CFAP299: variants seen among roughly 807,000 people sequenced by gnomAD.
The protein encoded by CFAP299 is cilia and flagella associated protein 299, also known as cilia- and flagella-associated protein 299.
CFAP299 carries 21 observed loss-of-function variants against 27.0 expected under a neutral mutation model. That is an observed-to-expected ratio of 0.78 (90% CI 0.55 to 1.12). CFAP299 has a LOEUF of 1.12. Among genes scored for constraint, CFAP299 ranks in the 50% most tolerant of loss-of-function variants. CFAP299 has a pLI of 0.00. For missense variants in CFAP299, 310 were observed against 276.6 expected (o/e 1.12, Z -0.86); for synonymous variants, 104 against 98.1 (o/e 1.06, Z -0.36).
chr4:80,430,900 A>T (rs1286497779), intron 2 of CFAP299, among the ~76,000 whole-genome samples: 1 of 152,150 alleles, frequency 6.6e-6, no homozygotes, highest in Non-Finnish European at 1.5e-5. Flanking sequence ...GGTCCTCCAG[A>T]TGTTGTCCAA....
intron 2 of CFAP299, among the ~76,000 whole-genome samples, chr4:80,421,783 C>T (rs1009516501): frequency 6.6e-6 from 1 of 152,194 alleles, no homozygotes; most frequent in Non-Finnish European, 1.5e-5. Flanking sequence ...AGATCTTTTA[C>T]ACAAAACCAA....
chr4:80,348,782 C>A (rs776434432), intron 1 of CFAP299, among the ~76,000 whole-genome samples: 1 of 152,118 alleles, frequency 6.6e-6, no homozygotes, highest in Non-Finnish European at 1.5e-5. Flanking sequence ...TATGAAATAC[C>A]GAGGAATCCC....
intron 4 of CFAP299, among the ~76,000 whole-genome samples, chr4:80,934,682 G>A (rs1249742339): frequency 6.6e-6 from 1 of 151,936 alleles, no homozygotes; most frequent in Non-Finnish European, 1.5e-5. Flanking sequence ...TTGTTGGTAA[G>A]TGTTCATAAT....
At chr4:80,892,098 C>T (rs760739102) in intron 4 of CFAP299, among the ~76,000 whole-genome samples, 7 of 152,062 alleles carry the variant, frequency 4.6e-5, no homozygotes, top group Non-Finnish European at 8.8e-5. Context: ...CATTATCTGA[C>T]TTCAAATTAT....
chr4:80,350,149 A>G (rs1290218240), intron 1 of CFAP299, among the ~76,000 whole-genome samples: 2 of 152,158 alleles, frequency 1.3e-5, no homozygotes, highest in Non-Finnish European at 2.9e-5. Flanking sequence ...ATACATTTAA[A>G]TGGAGTCCAA....
chr4:80,674,131 A>G (rs1719226635), intron 3 of CFAP299, among the ~76,000 whole-genome samples: 2 of 152,136 alleles, frequency 1.3e-5, no homozygotes, highest in South Asian at 4.2e-4. Context: ...GATCTTTACA[A>G]TTTGGCATGT....
chr4:80,553,087 A>G (rs1734607521), intron 2 of CFAP299, among the ~76,000 whole-genome samples: 1 of 152,050 alleles, frequency 6.6e-6, no homozygotes, highest in Non-Finnish European at 1.5e-5. Flanking sequence ...TTTGTGGTAC[A>G]GATTATTTTA....
chr4:80,374,336 A>C (rs968082826), intron 2 of CFAP299, among the ~76,000 whole-genome samples: 7 of 152,028 alleles, frequency 4.6e-5, no homozygotes, highest in African/African-American at 1.7e-4. Context: ...CCATGTCCCT[A>C]TCTGTGACTT....
chr4:80,897,792 C>T (rs1448949212), intron 4 of CFAP299, among the ~76,000 whole-genome samples: 2 of 152,152 alleles, frequency 1.3e-5, no homozygotes, highest in African/African-American at 4.8e-5. Flanking sequence ...TGTCTTTCCC[C>T]ACATAACTTA....
intron 2 of CFAP299, among the ~76,000 whole-genome samples, chr4:80,492,857 C>G (rs927424300): frequency 1.1e-4 from 17 of 152,074 alleles, no homozygotes. Flanking sequence ...TTTCAGCAGG[C>G]CCTGGGGTGA....
At chr4:80,493,755 T>A (rs1051911774) in intron 2 of CFAP299, among the ~76,000 whole-genome samples, 1 of 143,662 alleles carries the variant, frequency 7.0e-6, no homozygotes, top group African/African-American at 2.7e-5. Flanking sequence ...TTCTATCTCA[T>A]ATTCTTTTTT....
intron 2 of CFAP299, among the ~76,000 whole-genome samples, chr4:80,400,104 T>G (rs949162100): frequency 2.0e-5 from 3 of 152,244 alleles, no homozygotes; most frequent in Non-Finnish European, 4.4e-5. Flanking sequence ...ATTGTCTGTC[T>G]CTTTATGTCT....
chr4:80,896,773 C>T (rs1265197230), intron 4 of CFAP299, among the ~76,000 whole-genome samples: 15 of 152,102 alleles, frequency 9.9e-5, no homozygotes, highest in Admixed American at 7.9e-4. Flanking sequence ...TTTTATTTCA[C>T]CTAGTGCTTA....
At chr4:80,908,921 T>C (rs113218482) in intron 4 of CFAP299, among the ~76,000 whole-genome samples, 13 of 151,602 alleles carry the variant, frequency 8.6e-5, no homozygotes, top group African/African-American at 2.4e-4. Flanking sequence ...CACACACACA[T>C]ACACACACAT....
chr4:80,802,502 C>G (rs753730052), intron 3 of CFAP299, among the ~76,000 whole-genome samples: 3 of 151,974 alleles, frequency 2.0e-5, no homozygotes, highest in South Asian at 4.1e-4. Context: ...TTGTCATCTA[C>G]GAGCACTTCA....
chr4:80,698,727 T>C (rs1052284173), intron 3 of CFAP299, among the ~76,000 whole-genome samples: 1 of 152,164 alleles, frequency 6.6e-6, no homozygotes, highest in African/African-American at 2.4e-5. Context: ...CTTACAGTCA[T>C]GGTGGAAGGG....
intron 3 of CFAP299, among the ~76,000 whole-genome samples, chr4:80,595,763 A>C (rs929621907): frequency 8.5e-5 from 13 of 152,218 alleles, no homozygotes; most frequent in Non-Finnish European, 1.9e-4. Flanking sequence ...GCAATCCAGT[A>C]TGAAATATTT....
chr4:80,516,738 A>G (rs984137894), intron 2 of CFAP299, among the ~76,000 whole-genome samples: 1 of 152,152 alleles, frequency 6.6e-6, no homozygotes, highest in Non-Finnish European at 1.5e-5. Context: ...TCATAGGGAG[A>G]TAGGAAATTT....
chr4:80,823,018 G>A (rs534164886), intron 3 of CFAP299, among the ~76,000 whole-genome samples: 1 of 152,250 alleles, frequency 6.6e-6, no homozygotes, highest in East Asian at 1.9e-4. Flanking sequence ...GAACACACCA[G>A]CTGCATTTTA....
Sources: gnomAD v4.1 joint callset for allele counts (sites outside exome capture counted in the v4.1 genomes callset) on GRCh38, gnomAD v4.1.1 for gene constraint, MANE v1.5 for transcripts, NCBI Gene and HGNC (gene_info 2026-07-23, HGNC 2026-07-21) for gene names.